SOX5: variants seen among roughly 807,000 people sequenced by gnomAD.
SOX5 encodes SRY-box transcription factor 5.
SOX5 carries 9 observed loss-of-function variants against 92.0 expected under a neutral mutation model. That is an observed-to-expected ratio of 0.10 (90% CI 0.06 to 0.17). The LOEUF (loss-of-function observed/expected upper bound fraction) is 0.17, where lower values mean the gene tolerates loss of function less well. SOX5 is among the 10% of genes least tolerant of loss of function. The probability of loss-of-function intolerance (pLI) is 1.00; values close to 1 mark genes in which losing one functional copy is unlikely to be tolerated. For missense variants in SOX5, 642 were observed against 944.5 expected (o/e 0.68, Z 4.20); for synonymous variants, 344 against 336.3 (o/e 1.02, Z -0.25).
chr12:24,286,394 T>C (rs1248504280), intron 2 of SOX5, among the ~76,000 whole-genome samples: 2 of 152,146 alleles, frequency 1.3e-5, no homozygotes, highest in Non-Finnish European at 2.9e-5. Context: ...GAGGAGAAGA[T>C]ACATTCAGTT....
intron 4 of SOX5, among the ~76,000 whole-genome samples, chr12:24,059,247 T>C (rs926901567): frequency 6.6e-6 from 1 of 151,956 alleles, no homozygotes; most frequent in Non-Finnish European, 1.5e-5. Context: ...TCCTGTGTTT[T>C]TGATAGAAAA....
At chr12:24,530,333 C>T (rs931742588) in intron 1 of SOX5, among the ~76,000 whole-genome samples, 10 of 152,164 alleles carry the variant, frequency 6.6e-5, no homozygotes, top group Non-Finnish European at 1.2e-4. Context: ...ATGATGTCGT[C>T]GGATCCTCTC....
chr12:23,837,034 T>A (rs1261018971), intron 3 of SOX5, among the ~76,000 whole-genome samples: 1 of 150,744 alleles, frequency 6.6e-6, no homozygotes, highest in Non-Finnish European at 1.5e-5. Flanking sequence ...CTTTGGAACA[T>A]TTGTGCTGTA....
At chr12:24,380,959 G>A (rs1205017018) in intron 1 of SOX5, among the ~76,000 whole-genome samples, 4 of 152,144 alleles carry the variant, frequency 2.6e-5, no homozygotes, top group African/African-American at 9.7e-5. Context: ...AAATTTCCAA[G>A]GGGGGCATCT....
chr12:24,380,663 G>A (rs496093), intron 1 of SOX5, among the ~76,000 whole-genome samples: 1 of 151,924 alleles, frequency 6.6e-6, no homozygotes. Flanking sequence ...AAACTCCATC[G>A]CTGGGCTGAG....
intron 1 of SOX5, among the ~76,000 whole-genome samples, chr12:24,384,826 A>C (rs1308517797): frequency 2.0e-5 from 3 of 152,164 alleles, no homozygotes; most frequent in African/African-American, 7.2e-5. Context: ...GATCTCCTGA[A>C]ACGAGTAATA....
chr12:24,416,217 C>G (rs979834382), intron 1 of SOX5, among the ~76,000 whole-genome samples: 7 of 152,194 alleles, frequency 4.6e-5, no homozygotes, highest in African/African-American at 1.7e-4. Flanking sequence ...ATCTCAGGAG[C>G]TCTAAGAAGC....
chr12:23,950,821 T>C, upstream of SOX5: 1 of 1,518,846 alleles, frequency 6.6e-7, no homozygotes, highest in Non-Finnish European at 8.8e-7. Context: ...AATGTACCTT[T>C]GACACGAAAT....
chr12:24,333,684 C>G (rs1484182874), intron 2 of SOX5, among the ~76,000 whole-genome samples: 1 of 151,886 alleles, frequency 6.6e-6, no homozygotes, highest in Non-Finnish European at 1.5e-5. Flanking sequence ...GCTAGCAAAA[C>G]ACATGAATCC....
chr12:23,757,617 G>T (rs1261489677), intron 3 of SOX5, among the ~76,000 whole-genome samples: 1 of 151,760 alleles, frequency 6.6e-6, no homozygotes, highest in African/African-American at 2.4e-5. Context: ...ATGTAAACAG[G>T]GCACAGCCAA....
At chr12:23,976,206 T>C (rs1475429311) in intron 4 of SOX5, among the ~76,000 whole-genome samples, 1 of 151,720 alleles carries the variant, frequency 6.6e-6, no homozygotes, top group Non-Finnish European at 1.5e-5. Flanking sequence ...AAAAATTCTG[T>C]CTGGAATTAA....
chr12:23,780,401 C>T (rs1209780910), intron 3 of SOX5, among the ~76,000 whole-genome samples: 1 of 150,230 alleles, frequency 6.7e-6, no homozygotes, highest in Admixed American at 6.6e-5. Context: ...TTGGCATCTA[C>T]TTTCAAGGAT....
At chr12:24,494,558 T>C (rs1415084730) in intron 1 of SOX5, among the ~76,000 whole-genome samples, 1 of 152,176 alleles carries the variant, frequency 6.6e-6, no homozygotes. Context: ...AGTGACTGAA[T>C]TCCAACGAGC....
intron 4 of SOX5, among the ~76,000 whole-genome samples, chr12:23,959,233 G>A (rs1946621128): frequency 6.6e-6 from 1 of 150,906 alleles, no homozygotes; most frequent in Non-Finnish European, 1.5e-5. Flanking sequence ...AAAGAATGAG[G>A]GCTTAATTTA....
At chr12:24,543,453 G>A (rs779206102) in intron 1 of SOX5, among the ~76,000 whole-genome samples, 20 of 152,214 alleles carry the variant, frequency 1.3e-4, no homozygotes, top group Non-Finnish European at 2.2e-4. Context: ...TCGGGAGGCC[G>A]AGGCAGGAGG....
chr12:23,811,508 T>C (rs1447737152), intron 3 of SOX5, among the ~76,000 whole-genome samples: 1 of 152,100 alleles, frequency 6.6e-6, no homozygotes, highest in Admixed American at 6.6e-5. Flanking sequence ...GCTCTCAATA[T>C]TGAAAAGCAC....
intron 4 of SOX5, among the ~76,000 whole-genome samples, chr12:24,070,949 G>T (rs1204765860): frequency 1.3e-5 from 2 of 152,088 alleles, no homozygotes; most frequent in South Asian, 2.1e-4. Flanking sequence ...ATCACCAAAG[G>T]TTAGTTTTGT....
intron 2 of SOX5, among the ~76,000 whole-genome samples, chr12:23,858,149 AT>A (rs1452662731): frequency 2.0e-5 from 3 of 151,950 alleles, no homozygotes; most frequent in Admixed American, 6.6e-5. Context: ...TTTTTTTACA[AT>A]GTATGTTACT....
chr12:23,682,689 G>C (rs1234675438), intron 6 of SOX5, among the ~76,000 whole-genome samples: 1 of 151,650 alleles, frequency 6.6e-6, no homozygotes, highest in Non-Finnish European at 1.5e-5. Flanking sequence ...TAAATCTTAA[G>C]CTCTTTGTAT....
Sources: allele counts gnomAD v4.1 joint callset (sites outside exome capture counted in the v4.1 genomes callset), GRCh38; gene constraint gnomAD v4.1.1; transcripts MANE v1.5; gene names NCBI Gene and HGNC (gene_info 2026-07-23, HGNC 2026-07-21).